Variants in SH3BP5 observed in about 807,000 individuals in gnomAD.
SH3BP5 encodes SH3 domain-binding protein 5.
Under a neutral mutation model 43.3 loss-of-function variants are expected in SH3BP5, and 22 were observed. The ratio of observed to expected loss-of-function variants is 0.51; its 90% CI spans 0.36 to 0.73. The LOEUF is 0.73. Ranked by LOEUF, SH3BP5 falls within the 30% of genes least tolerant of loss-of-function variation. SH3BP5 has a pLI of 0.00. For missense variants in SH3BP5, 529 were observed against 586.9 expected, an observed-to-expected ratio of 0.90 and a Z score of 1.02; for synonymous variants, 255 against 225.8, an observed-to-expected ratio of 1.13 and a Z score of -1.16.
chr3:15,319,327 G>T (rs911468309), intron 2 of SH3BP5, among the ~76,000 whole-genome samples: 6 of 152,118 alleles, frequency 3.9e-5, no homozygotes, highest in African/African-American at 1.4e-4. Context: ...TTTGCTGGCT[G>T]GTTAACCATT....
chr3:15,273,010 C>T, intron 3 of SH3BP5: 1 of 389,974 alleles, frequency 2.6e-6, no homozygotes, highest in Non-Finnish European at 3.5e-6. Context: ...GTGAGGACAG[C>T]CCTGCAGGGC....
At position 15,255,617 on chromosome 3, in the gene SH3BP5, T is replaced by C. The variant is rs1037155471; in HGVS notation, c.*469A>G. On this transcript the variant is annotated 3_prime_UTR_variant, in exon 9 of 9. Transcript: ENST00000383791. Reference sequence around the variant, plus strand: ...CCTCCACTGGGTCAAAAATATGTGCTCTTAATACTTGAGTTTTTGCTTTGT... The same window carrying C: ...CCTCCACTGGGTCAAAAATATGTGCCCTTAATACTTGAGTTTTTGCTTTGT... 2.0e-5 allele frequency: 3 copies of C among 153,572 alleles called. No individual in the cohort carries two copies. Among genetic ancestry groups the C allele is most frequent in the African/African-American group, 7.2e-5 (3 of 41,414 alleles). 9.5% of individuals were successfully genotyped at this position (153,572 alleles called of 1,614,324 possible). A position where few individuals can be genotyped will look rare whatever the true frequency, so the allele number is the denominator to read the frequency against.
intron 2 of SH3BP5, among the ~76,000 whole-genome samples, chr3:15,317,980 C>A (rs1321303796): frequency 1.3e-5 from 2 of 152,170 alleles, no homozygotes; most frequent in Non-Finnish European, 2.9e-5. Flanking sequence ...TGCCTCCAAA[C>A]ACAAACTATT....
At chr3:15,269,028 A>G (rs1696721757) in intron 4 of SH3BP5, among the ~76,000 whole-genome samples, 2 of 152,272 alleles carry the variant, frequency 1.3e-5, no homozygotes, top group South Asian at 2.1e-4. Context: ...TACCCTGTTT[A>G]TGGTATTTTG....
chr3:15,294,315 G>A lies in SH3BP5; in HGVS notation c.330+9788C>T, dbSNP rs79496006. The stretch of plus-strand genomic sequence containing the variant: ...AGTGTGTGTGTGTGTGTGTGTGTGT[G>A]TGTGTGTGTGTGTGTGCGCGCGCAT... On this transcript the variant is annotated intron_variant, in intron 3 of 8. Transcript: ENST00000383791. Among the ~76,000 whole-genome samples the A allele has an allele frequency of 3.1e-3, 449 of 145,094 alleles. 4 individuals carry two copies. The highest frequency in any genetic ancestry group is 0.011 in the African/African-American group (421 of 37,594).
At chr3:15,308,969 A>G (rs556495295) in intron 2 of SH3BP5, among the ~76,000 whole-genome samples, 1 of 152,238 alleles carries the variant, frequency 6.6e-6, no homozygotes, top group South Asian at 2.1e-4. Context: ...AGTTTACTAG[A>G]TGGCTCAACT....
At chr3:15,307,527 G>A (rs952060259) in intron 2 of SH3BP5, among the ~76,000 whole-genome samples, 11 of 152,180 alleles carry the variant, frequency 7.2e-5, no homozygotes, top group Non-Finnish European at 1.3e-4. Context: ...CCATAGGGAG[G>A]GCTCTTAGAA....
chr3:15,303,966 G>A (rs545222543), intron 3 of SH3BP5, 137 bp downstream of exon 3: 126 of 681,350 alleles, frequency 1.8e-4, no homozygotes, highest in African/African-American at 1.6e-3. Flanking sequence ...AGCAGATTGC[G>A]GGGCGGTGGG....
intron 1 of SH3BP5, chr3:15,332,062 T>C (rs1427133258): frequency 5.4e-6 from 4 of 746,500 alleles, no homozygotes; most frequent in South Asian, 1.9e-5. Flanking sequence ...CTCCCCGCAA[T>C]AGAGTCAGGC....
intron 2 of SH3BP5, among the ~76,000 whole-genome samples, chr3:15,328,208 C>T (rs1015414214): frequency 6.6e-6 from 1 of 152,116 alleles, no homozygotes; most frequent in African/African-American, 2.4e-5. Flanking sequence ...AGGCAGGAAA[C>T]ACCTGTCTGG....
In SH3BP5 at chr3:15,256,139, A is replaced by G. The variant is rs760972257; in HGVS notation, c.1315T>C (p.Ser439Pro). ...NRMKQLSLQC[S>P]KGRDGIIADI... is the part of the protein sequence containing the mutation. ...GCAATAATTCCATCTCTTCCCTTTG[A>G]GCACTGTAGGGAGAGCTGCTTCATC... is the stretch of plus-strand genomic sequence containing the variant. The change falls in exon 9 of 9, where the codon TCA becomes CCA. Residue 439 changes from serine (S) to proline (P), a missense_variant. Ser to Pro is a moderately conservative substitution (Grantham distance 74). Around this residue, in one of 3 missense-constraint regions of SH3BP5, gnomAD observed 369 missense variants for 384.3 expected, o/e 0.96. Coordinates refer to ENST00000383791, the MANE Select transcript of SH3BP5 (RefSeq NM_004844.5). The G allele has an allele frequency of 6.2e-7, 1 of 1,614,150 alleles. No individual in the cohort carries two copies. Among genetic ancestry groups the G allele is most frequent in the Non-Finnish European group, 8.5e-7 (1 of 1,180,018 alleles).
chr3:15,302,708 G>GAAATTAA (rs1697785307), intron 3 of SH3BP5, among the ~76,000 whole-genome samples: 12 of 152,176 alleles, frequency 7.9e-5, no homozygotes, highest in Admixed American at 7.2e-4. Flanking sequence ...ATTTCCAAAG[G>GAAATTAA]GTCCATCCTA....
At chr3:15,333,186 A>G (rs983108721), upstream of SH3BP5, 1 of 985,318 alleles carries the variant, frequency 1.0e-6, no homozygotes, top group Non-Finnish European at 1.2e-6. Flanking sequence ...AGAATTTATG[A>G]ATTAGTGAGA....
intron 3 of SH3BP5, chr3:15,273,053 A>G: frequency 1.2e-6 from 1 of 817,724 alleles, no homozygotes; most frequent in Non-Finnish European, 1.5e-6. Flanking sequence ...AACGAGAGGA[A>G]GCAGAGGGAA....
chr3:15,280,931 G>A (rs1159713032), intron 3 of SH3BP5, among the ~76,000 whole-genome samples: 1 of 152,212 alleles, frequency 6.6e-6, no homozygotes, highest in African/African-American at 2.4e-5. Context: ...CCCAGGCCAC[G>A]AACCTGGTCA....
upstream of SH3BP5, among the ~76,000 whole-genome samples, chr3:15,334,590 A>G (rs1698679450): frequency 6.6e-6 from 1 of 151,820 alleles, no homozygotes; most frequent in Non-Finnish European, 1.5e-5. Context: ...AATACAGTAT[A>G]TGACAACTAT....
At chr3:15,318,924 A>G (rs1698252071) in intron 2 of SH3BP5, among the ~76,000 whole-genome samples, 1 of 52,600 alleles carries the variant, frequency 1.9e-5, no homozygotes, top group Non-Finnish European at 3.7e-5. Flanking sequence ...GGTTTTAACA[A>G]GTTCCAAGTG....
chr3:15,295,168 CAAAT>C (rs1292809736), intron 3 of SH3BP5, among the ~76,000 whole-genome samples: 1 of 152,204 alleles, frequency 6.6e-6, no homozygotes, highest in Non-Finnish European at 1.5e-5. Flanking sequence ...AGCGCACTAA[CAAAT>C]AAGCCTCTCC....
chr3:15,259,612 A>G, intron 6 of SH3BP5, 149 bp downstream of exon 6: 1 of 813,428 alleles, frequency 1.2e-6, no homozygotes, highest in East Asian at 2.4e-5. Context: ...CCCAACCGAG[A>G]CAATTTTGAG....
Sources: allele counts gnomAD v4.1 joint callset (sites outside exome capture counted in the v4.1 genomes callset), GRCh38; gene constraint gnomAD v4.1.1; regional missense constraint gnomAD v4.1.1; transcripts MANE v1.5; gene names NCBI Gene and HGNC (gene_info 2026-07-23, HGNC 2026-07-21).